GLRB: variants seen among roughly 807,000 people sequenced by gnomAD.
GLRB encodes glycine receptor subunit beta.
A neutral mutation model predicts 54.2 loss-of-function variants in GLRB; 33 were observed. The observed-to-expected ratio is 0.61, with a 90% CI of 0.46 to 0.81. The LOEUF is 0.81. Ranked by LOEUF, GLRB falls within the 40% of genes least tolerant of loss-of-function variation. The pLI, the probability that GLRB is intolerant of heterozygous loss-of-function variation, is 0.00. For missense variants in GLRB, 572 were observed against 584.6 expected (o/e 0.98, Z 0.22); for synonymous variants, 209 against 208.2 (o/e 1.00, Z -0.03).
chr4:157,115,796 T>G (rs1486996847), intron 2 of GLRB, among the ~76,000 whole-genome samples: 3 of 151,768 alleles, frequency 2.0e-5, no homozygotes, highest in Non-Finnish European at 4.4e-5. Flanking sequence ...ACATATTACA[T>G]CCTCATTCTA....
intron 2 of GLRB, among the ~76,000 whole-genome samples, chr4:157,114,076 CTG>C (rs1425875581): frequency 6.6e-6 from 1 of 151,966 alleles, no homozygotes; most frequent in Non-Finnish European, 1.5e-5. Flanking sequence ...AAGTATTTGT[CTG>C]TCTTTGTATG....
Position 157,170,605 on chromosome 4 carries a change from G to C in GLRB, c.1371G>C (p.Lys457Asn), listed in dbSNP as rs2126637895. 1.2e-6 allele frequency: 2 copies of C among 1,613,336 alleles called. No homozygotes were observed. Among genetic ancestry groups the C allele is most frequent in the Admixed American group, 3.3e-5 (2 of 59,916 alleles). ...GGAAATCTCAGGCTAAGAACAACAA[G>C]AAGCCTCCCCCTGCGAAACCTGTTA... ...GLGKSQAKNN[K>N]KPPPAKPVIP... The change falls in exon 10 of 10, where the codon AAG (lysine) becomes AAC (asparagine). Residue 457 changes from lysine (K) to asparagine (N), a missense_variant. Coordinates refer to ENST00000264428, the MANE Select transcript of GLRB (RefSeq NM_000824.5).
chr4:157,132,667 T>C (rs762153028), intron 4 of GLRB, among the ~76,000 whole-genome samples: 1 of 151,954 alleles, frequency 6.6e-6, no homozygotes, highest in African/African-American at 2.4e-5. Context: ...CCTGAGGATA[T>C]GGACCCCATG....
At chr4:157,118,731 G>T (rs1275440526) in intron 2 of GLRB, among the ~76,000 whole-genome samples, 3 of 151,520 alleles carry the variant, frequency 2.0e-5, no homozygotes, top group Non-Finnish European at 3.0e-5. Context: ...TCGGCAGATT[G>T]TATGAAAATA....
In GLRB at chr4:157,078,117, G is replaced by A; in HGVS notation, c.93G>A (p.Lys31=). 6.2e-7 allele frequency: 1 copy of A among 1,612,164 alleles called. No homozygotes were observed. Among genetic ancestry groups the A allele is most frequent in the Non-Finnish European group, 8.5e-7 (1 of 1,178,552 alleles). ...AGGAAAAGTCTTCAAAGAAAGGGAA[G>A]GGGAAAAAGAAGCAGTATCTATGCC... ...YSKEKSSKKG[K]GKKKQYLCPS... Residue 31 remains lysine, a synonymous_variant, in exon 2 of 10, where the codon AAG becomes AAA. Transcript: ENST00000264428.
chr4:157,119,244 A>G (rs1309868334), intron 2 of GLRB, among the ~76,000 whole-genome samples: 1 of 151,606 alleles, frequency 6.6e-6, no homozygotes, highest in Non-Finnish European at 1.5e-5. Context: ...AATAGTGAAA[A>G]GTATTTTACC....
chr4:157,164,445 C>T (rs1737635998), intron 9 of GLRB, among the ~76,000 whole-genome samples: 1 of 152,104 alleles, frequency 6.6e-6, no homozygotes, highest in East Asian at 1.9e-4. Context: ...CTCACATTTC[C>T]AGCCCACCAA....
chr4:157,098,571 A>C (rs564848109), intron 2 of GLRB, among the ~76,000 whole-genome samples: 1 of 152,184 alleles, frequency 6.6e-6, no homozygotes, highest in South Asian at 2.1e-4. Flanking sequence ...TTTGCAAACA[A>C]GGATGATAAT....
At chr4:157,163,111 C>T (rs1007917273) in intron 9 of GLRB, among the ~76,000 whole-genome samples, 1 of 152,208 alleles carries the variant, frequency 6.6e-6, no homozygotes, top group Non-Finnish European at 1.5e-5. Context: ...GAGCGAGGCT[C>T]CGTGGGCATG....
intron 2 of GLRB, among the ~76,000 whole-genome samples, chr4:157,089,397 C>A (rs1157992760): frequency 6.6e-6 from 1 of 151,906 alleles, no homozygotes; most frequent in South Asian, 2.1e-4. Context: ...AGAGGGAGAC[C>A]CTGTTTCAAA....
intron 2 of GLRB, among the ~76,000 whole-genome samples, chr4:157,106,905 G>A (rs182664106): frequency 1.1e-4 from 17 of 152,088 alleles, no homozygotes; most frequent in African/African-American, 3.6e-4. Flanking sequence ...ACCAATTAAA[G>A]GTTTGCGGCA....
At chr4:157,155,414 G>C (rs1737188867) in intron 9 of GLRB, among the ~76,000 whole-genome samples, 1 of 152,198 alleles carries the variant, frequency 6.6e-6, no homozygotes, top group Non-Finnish European at 1.5e-5. Context: ...ATACAGGCAT[G>C]AACCACCATG....
At chr4:157,135,257 A>C (rs1400924733) in intron 4 of GLRB, among the ~76,000 whole-genome samples, 1 of 152,148 alleles carries the variant, frequency 6.6e-6, no homozygotes, top group Non-Finnish European at 1.5e-5. Flanking sequence ...ATATTTTATC[A>C]TAATATTATG....
At chr4:157,097,741 C>T (rs1374873697) in intron 2 of GLRB, among the ~76,000 whole-genome samples, 1 of 152,196 alleles carries the variant, frequency 6.6e-6, no homozygotes, top group African/African-American at 2.4e-5. Flanking sequence ...AATTTCCCAG[C>T]CGGGCACACT....
intron 2 of GLRB, among the ~76,000 whole-genome samples, chr4:157,079,249 T>C (rs1196794299): frequency 6.6e-6 from 1 of 152,230 alleles, no homozygotes; most frequent in African/African-American, 2.4e-5. Context: ...TCATCTTCAA[T>C]TAATATTTCT....
At chr4:157,156,444 G>T (rs1411130307) in intron 9 of GLRB, among the ~76,000 whole-genome samples, 1 of 152,130 alleles carries the variant, frequency 6.6e-6, no homozygotes, top group East Asian at 1.9e-4. Flanking sequence ...TTTTGGAGGA[G>T]TCTCTAGGGC....
chr4:157,110,879 G>A (rs1356185327), intron 2 of GLRB, among the ~76,000 whole-genome samples: 2 of 152,034 alleles, frequency 1.3e-5, no homozygotes, highest in East Asian at 3.9e-4. Flanking sequence ...GAGTTTGTTA[G>A]GCTGTCTATC....
At chr4:157,164,520 A>G (rs190531420) in intron 9 of GLRB, among the ~76,000 whole-genome samples, 85 of 152,300 alleles carry the variant, frequency 5.6e-4, no homozygotes, top group African/African-American at 1.9e-3. Flanking sequence ...TCTATAGAAC[A>G]GGTGCTTGAT....
At chr4:157,153,106 T>A in intron 9 of GLRB, 96 bp downstream of exon 9, 1 of 1,091,684 alleles carries the variant, frequency 9.2e-7, no homozygotes, top group East Asian at 2.5e-5. Context: ...TTTGATGGAA[T>A]TGGCATTTGC....
Sources: gnomAD v4.1 joint callset for allele counts (sites outside exome capture counted in the v4.1 genomes callset) on GRCh38, gnomAD v4.1.1 for gene constraint, MANE v1.5 for transcripts, NCBI Gene and HGNC (gene_info 2026-07-23, HGNC 2026-07-21) for gene names.